LACC1: variants seen among roughly 807,000 people sequenced by gnomAD.
LACC1 encodes the protein laccase domain multifunctional purine nucleosidase 1, also known as purine nucleoside phosphorylase LACC1.
LACC1 carries 25 observed loss-of-function variants against 34.8 expected under a neutral mutation model. That is an observed-to-expected ratio of 0.72 (90% confidence interval 0.52 to 1.00). The LOEUF (loss-of-function observed/expected upper bound fraction) is 1.00. LACC1 is among the 50% of genes least tolerant of loss of function. LACC1 has a pLI of 0.00. For synonymous variants in LACC1, 162 were observed against 168.0 expected (o/e 0.96, Z 0.28); for missense variants, 426 against 511.2 (o/e 0.83, Z 1.61).
intron 4 of LACC1, 108 bp from the exon 5 acceptor site, chr13:43,888,649 T>A: frequency 1.2e-6 from 1 of 852,488 alleles, no homozygotes; most frequent in South Asian, 1.6e-5. Context: ...ATTTCTGGAC[T>A]TTGAAAAATA....
Position 43,891,676 on chromosome 13 carries a change from T to C in LACC1, c.*229T>C. 2.1e-6 allele frequency: 1 copy of C among 484,326 alleles called. No individual in the cohort carries two copies. Among genetic ancestry groups the C allele is most frequent in the African/African-American group, 2.1e-5 (1 of 47,700 alleles). 30.0% of individuals were successfully genotyped at this position (484,326 alleles called of 1,614,324 possible). ...TAATATGTTTTATGCATGAGAATTA[T>C]TCTTAAAGTTTGTTCTCCCTGTTTA... On this transcript the variant is annotated 3_prime_UTR_variant, in exon 7 of 7. Transcript: ENST00000325686.
At chr13:43,889,717 C>G (rs905482811) in intron 5 of LACC1, among the ~76,000 whole-genome samples, 1 of 152,142 alleles carries the variant, frequency 6.6e-6, no homozygotes, top group Non-Finnish European at 1.5e-5. Flanking sequence ...TGAGAAAAAT[C>G]TGGCTAATAG....
At chr13:43,886,671 T>G (rs1955344184) in intron 4 of LACC1, among the ~76,000 whole-genome samples, 1 of 152,230 alleles carries the variant, frequency 6.6e-6, no homozygotes, top group African/African-American at 2.4e-5. Context: ...ACTTGGGTGA[T>G]GAAATCGTTT....
chr13:43,888,286 G>A (rs1955421731), intron 4 of LACC1, among the ~76,000 whole-genome samples: 1 of 152,052 alleles, frequency 6.6e-6, no homozygotes, highest in South Asian at 2.1e-4. Context: ...GATTGCCAGG[G>A]GCTGGTAAAA....
At chr13:43,890,971 C>G (rs557630564) in intron 6 of LACC1, among the ~76,000 whole-genome samples, 1 of 152,146 alleles carries the variant, frequency 6.6e-6, no homozygotes, top group Non-Finnish European at 1.5e-5. Context: ...AAAAATCAGG[C>G]GAGGGAGCCA....
At position 43,880,950 on chromosome 13, in the gene LACC1, A is replaced by G; in HGVS notation, c.-34-2A>G. 1.3e-6 allele frequency: 2 copies of G among 1,493,886 alleles called. No homozygotes were observed. The highest frequency in any genetic ancestry group is 1.8e-6 in the Non-Finnish European group (2 of 1,095,290). The allele number at this position is 1,493,886 out of a possible 1,614,324, so 92.5% of individuals were successfully genotyped here. On this transcript the variant is annotated splice_acceptor_variant, in intron 1 of 6. Coordinates refer to ENST00000325686, the MANE Select transcript of LACC1 (RefSeq NM_153218.4). LOFTEE classifies it low-confidence loss of function (5UTR_SPLICE). Reference sequence around the variant, plus strand: ...TATTCTTACACTAATTTTTATTTGCAGGTGATTTATTTGGCATAAAAGTAT... The same window carrying G: ...TATTCTTACACTAATTTTTATTTGCGGGTGATTTATTTGGCATAAAAGTAT...
At position 43,883,774 on chromosome 13, in the gene LACC1, CA is replaced by C; in HGVS notation, c.746del (p.His249LeufsTer20). 6.2e-7 allele frequency: 1 copy of C among 1,608,408 alleles called. No individual in the cohort carries two copies. Among genetic ancestry groups the C allele is most frequent in the Non-Finnish European group, 8.5e-7 (1 of 1,176,924 alleles). On this transcript the variant is annotated frameshift_variant, in exon 4 of 7. Coordinates refer to ENST00000325686, the MANE Select transcript of LACC1 (RefSeq NM_153218.4). LOFTEE classifies it high-confidence loss of function. ...TGTTGCACATTTTTGGTATTAGACT[CA>C]TCATTCCAATGACATCTGGATTATG... is the stretch of plus-strand genomic sequence containing the variant. ...NVEKFYRIKT[H>X]HSNDIWIMGR...
rs373993672 is a variant in LACC1 at position 43,888,820 on chromosome 13, G to T, written c.971G>T (p.Gly324Val). ...ATVNAMIAEY[G>V]CSLEDIVVVL... ...GTGAATGCTATGATAGCAGAATATG[G>T]CTGCAGTTTGGAAGACATTGTTGTT... Residue 324 changes from glycine (G) to valine (V), a missense_variant, in exon 5 of 7, where the codon GGC becomes GTC. This residue lies in a region of LACC1 where 209 missense variants were observed against 300.3 expected (regional missense o/e 0.70). Transcript: ENST00000325686. 6.2e-7 allele frequency: 1 copy of T among 1,613,866 alleles called. No individual in the cohort carries two copies. Among genetic ancestry groups the T allele is most frequent in the Non-Finnish European group, 8.5e-7 (1 of 1,179,814 alleles).
At position 43,881,519 on chromosome 13, in the gene LACC1, A is replaced by T; in HGVS notation, c.534A>T (p.Leu178Phe). The T allele has an allele frequency of 6.2e-7, 1 of 1,607,692 alleles. No individual in the cohort carries two copies. Among genetic ancestry groups the T allele is most frequent in the Non-Finnish European group, 8.5e-7 (1 of 1,178,074 alleles). The change falls in exon 2 of 7, where the codon TTA (leucine) becomes TTT (phenylalanine). Residue 178 changes from leucine to phenylalanine, a missense_variant. Leu to Phe is a conservative substitution (Grantham distance 22). Transcript: ENST00000325686. The part of the protein sequence containing the change: ...LRSLPALRGK[L>F]TIITSSLIPD... ...GTCTGCCAGCACTGAGAGGAAAATT[A>T]ACTATTATCACTTCTTCTTTGATCC...
intron 4 of LACC1, among the ~76,000 whole-genome samples, chr13:43,884,812 G>C (rs1365009690): frequency 3.9e-5 from 6 of 152,118 alleles, no homozygotes; most frequent in Non-Finnish European, 8.8e-5. Context: ...TAATGGGATT[G>C]AATGAGTAGA....
intron 5 of LACC1, among the ~76,000 whole-genome samples, chr13:43,889,464 AT>A (rs1955475607): frequency 6.6e-6 from 1 of 152,176 alleles, no homozygotes; most frequent in African/African-American, 2.4e-5. Flanking sequence ...GCATCTTTTA[AT>A]TTACAAGGTT....
rs1955030207 is a variant in LACC1 at position 43,881,358 on chromosome 13, G to C, written c.373G>C (p.Asp125His). Reference sequence around the variant, plus strand: ...AGCTTTTATTGATCAACTCTTCACTGATGTTTACAATTTTGAATTTGAAGA... The same window carrying C: ...AGCTTTTATTGATCAACTCTTCACTCATGTTTACAATTTTGAATTTGAAGA... ...MKAFIDQLFT[D>H]VYNFEFEDLQ... The change falls in exon 2 of 7, where the codon GAT (aspartate) becomes CAT (histidine). Residue 125 changes from aspartate to histidine, a missense_variant. By Grantham distance (81) the Asp-to-His change is moderately conservative. Coordinates refer to ENST00000325686, the MANE Select transcript of LACC1 (RefSeq NM_153218.4). 6.2e-7 allele frequency: 1 copy of C among 1,613,942 alleles called. No individual in the cohort carries two copies. The highest frequency in any genetic ancestry group is 8.5e-7 in the Non-Finnish European group (1 of 1,180,004).
At chr13:43,883,569 A>C in intron 3 of LACC1, among the ~76,000 whole-genome samples, 1 of 22,214 alleles carries the variant, frequency 4.5e-5, no homozygotes, top group South Asian at 7.5e-3. Flanking sequence ...ATAAACTATC[A>C]GAGATTATAA....
Position 43,881,158 on chromosome 13 carries a change from A to G in LACC1, c.173A>G (p.Gln58Arg), listed in dbSNP as rs1036946563. 2 of 1,614,202 alleles carry G rather than the reference A, an allele frequency of 1.2e-6. No individual in the cohort carries two copies. Among genetic ancestry groups the G allele is most frequent in the Non-Finnish European group, 1.7e-6 (2 of 1,180,028 alleles). Reference protein sequence around the residue: ...SNISYERDGEQDNCEIETSNG... With the variant: ...SNISYERDGERDNCEIETSNG... ...ATCAGCTATGAAAGGGATGGAGAAC[A>G]AGATAATTGTGAAATAGAAACAAGC... is the stretch of plus-strand genomic sequence containing the variant. Residue 58 changes from glutamine to arginine, a missense_variant, in exon 2 of 7, where the codon CAA becomes CGA. By Grantham distance (43) the Gln-to-Arg change is conservative. This residue lies in a region of LACC1 where 217 missense variants were observed against 210.9 expected (regional missense o/e 1.03). Transcript: ENST00000325686.
intron 4 of LACC1, among the ~76,000 whole-genome samples, chr13:43,885,517 T>G (rs1384231870): frequency 6.6e-6 from 1 of 152,198 alleles, no homozygotes; most frequent in Non-Finnish European, 1.5e-5. Flanking sequence ...AAGGAATCCC[T>G]GTTCCATAAA....
chr13:43,882,543 A>T (rs1955118674), intron 3 of LACC1, among the ~76,000 whole-genome samples, 180 bp downstream of exon 3: 1 of 117,172 alleles, frequency 8.5e-6, no homozygotes, highest in Admixed American at 9.0e-5. Context: ...TCTATTTTAT[A>T]CACACACACA....
Position 43,888,778 on chromosome 13 carries a change from G to A in LACC1, c.929G>A (p.Gly310Asp). The A allele has an allele frequency of 1.2e-6, 2 of 1,613,596 alleles. No homozygotes were observed. The highest frequency in any genetic ancestry group is 1.3e-5 in the African/African-American group (1 of 74,992). The change falls in exon 5 of 7, where the codon GGT becomes GAT. Residue 310 changes from glycine to aspartate, a missense_variant. Coordinates refer to ENST00000325686, the MANE Select transcript of LACC1 (RefSeq NM_153218.4). Reference protein sequence around the residue: ...AHAGWKGTLLGVAMATVNAMI... With the variant: ...AHAGWKGTLLDVAMATVNAMI... ...CCAGGTTGGAAAGGTACTTTGTTGG[G>A]TGTTGCTATGGCTACAGTGAATGCT...
Position 43,882,217 on chromosome 13 carries a change from G to T in LACC1, c.595G>T (p.Gly199Cys), listed in dbSNP as rs1351222995. 2 of 1,609,062 alleles carry T rather than the reference G, an allele frequency of 1.2e-6. No individual in the cohort carries two copies. The highest frequency in any genetic ancestry group is 1.1e-5 in the South Asian group (1 of 89,718). Residue 199 changes from glycine to cysteine, a missense_variant, in exon 3 of 7, where the codon GGT becomes TGT. This residue lies in a region of LACC1 where 209 missense variants were observed against 300.3 expected (regional missense o/e 0.70). Coordinates refer to ENST00000325686, the MANE Select transcript of LACC1 (RefSeq NM_153218.4). ...CATACATGGATTTACTACAAGAACA[G>T]GTGGGATATCTTATATACCAACTCT... ...IFIHGFTTRTGGISYIPTLSS... is the reference protein window; with the variant it reads ...IFIHGFTTRTCGISYIPTLSS...
intron 5 of LACC1, 46 bp from the exon 6 acceptor site, chr13:43,890,068 T>C (rs17065175): frequency 2.1e-4 from 323 of 1,530,580 alleles, no homozygotes; most frequent in Non-Finnish European, 2.6e-4. Flanking sequence ...CTTTGGCTAT[T>C]GGGAAAATAA....
Sources: gnomAD v4.1 joint callset for allele counts (sites outside exome capture counted in the v4.1 genomes callset) on GRCh38, gnomAD v4.1.1 for gene constraint, gnomAD v4.1.1 regional missense constraint, MANE v1.5 for transcripts, NCBI Gene and HGNC (gene_info 2026-07-23, HGNC 2026-07-21) for gene names.